C12orf42: variants seen among roughly 807,000 people sequenced by gnomAD.
C12orf42 encodes the protein uncharacterized protein C12orf42.
Under a neutral mutation model 21.6 loss-of-function variants are expected in C12orf42, and 25 were observed. That is an observed-to-expected ratio of 1.16 (90% CI 0.84 to 1.62). The LOEUF (loss-of-function observed/expected upper bound fraction) is 1.62, where lower values mean the gene tolerates loss of function less well. C12orf42 is among the 40% of genes most tolerant of loss of function. The probability of loss-of-function intolerance (pLI) is 0.00; values close to 1 mark genes in which losing one functional copy is unlikely to be tolerated. For synonymous variants in C12orf42, 174 were observed against 175.0 expected (o/e 0.99, Z 0.05); for missense variants, 483 against 459.3 (o/e 1.05, Z -0.47).
At chr12:103,312,758 C>A (rs1055232421) in intron 4 of C12orf42, among the ~76,000 whole-genome samples, 1 of 152,084 alleles carries the variant, frequency 6.6e-6, no homozygotes, top group Non-Finnish European at 1.5e-5. Flanking sequence ...CATCTGTTGC[C>A]AATTTTATAT....
the C12orf42 span, among the ~76,000 whole-genome samples, chr12:103,168,731 T>G: frequency 6.6e-6 from 1 of 152,184 alleles, no homozygotes; most frequent in East Asian, 1.9e-4. Flanking sequence ...TGCAGCACTA[T>G]TCACAATAGC....
chr12:103,164,830 A>G, the C12orf42 span: 1 of 418,294 alleles, frequency 2.4e-6, no homozygotes, highest in South Asian at 1.7e-5. Flanking sequence ...ATAAATTGGC[A>G]GGCAACCCAT....
At chr12:103,237,208 A>T (rs890020662), downstream of C12orf42, among the ~76,000 whole-genome samples, 7 of 152,198 alleles carry the variant, frequency 4.6e-5, no homozygotes, top group Admixed American at 3.9e-4. Flanking sequence ...AACTCCCTCA[A>T]TATCAGTGTT....
At chr12:103,279,582 G>A (rs1300754651) in intron 4 of C12orf42, among the ~76,000 whole-genome samples, 1 of 152,186 alleles carries the variant, frequency 6.6e-6, no homozygotes, top group Non-Finnish European at 1.5e-5. Flanking sequence ...CTAGTTCACT[G>A]TTCCTGTCAG....
At chr12:103,224,247 A>G in the C12orf42 span, among the ~76,000 whole-genome samples, 10 of 152,004 alleles carry the variant, frequency 6.6e-5, no homozygotes, top group Non-Finnish European at 1.5e-4. Context: ...TAGGGAAGGG[A>G]GGCGGCCTGA....
At chr12:103,459,080 AG>A (rs751069374) in intron 2 of C12orf42, among the ~76,000 whole-genome samples, 7 of 152,168 alleles carry the variant, frequency 4.6e-5, no homozygotes, top group Non-Finnish European at 8.8e-5. Flanking sequence ...ACTGGCATGC[AG>A]TCTAAGAAAA....
At chr12:103,443,189 A>C (rs972674873) in intron 2 of C12orf42, among the ~76,000 whole-genome samples, 3 of 152,164 alleles carry the variant, frequency 2.0e-5, no homozygotes, top group Non-Finnish European at 4.4e-5. Context: ...TTGTCAAGAT[A>C]ATTTTATTGC....
In C12orf42 at chr12:103,306,326, T is replaced by C. The variant is rs772867120; in HGVS notation, c.279A>G (p.Gln93=). ...LNFPVFPERT[Q]NSMACKRLLH... is the part of the protein sequence containing the mutation. ...GTAGTCTTTTACACGCCATTGAATT[T>C]TGAGTCCTTTCTGGAAATACTGTGA... The change falls in exon 5 of 6, where the codon CAA becomes CAG. Residue 93 remains glutamine, a synonymous_variant. Coordinates refer to ENST00000548883, the MANE Select transcript of C12orf42 (RefSeq NM_198521.5). The C allele has an allele frequency of 1.9e-5, 31 of 1,606,448 alleles. No individual in the cohort carries two copies. The highest frequency in any genetic ancestry group is 8.5e-7 in the Non-Finnish European group (1 of 1,176,198).
intron 4 of C12orf42, among the ~76,000 whole-genome samples, chr12:103,279,777 A>G (rs952579282): frequency 1.3e-5 from 2 of 152,212 alleles, no homozygotes; most frequent in African/African-American, 2.4e-5. Context: ...CAGGAGAAAG[A>G]GTCCAGCTTT....
At chr12:103,381,122 T>A (rs1434997562) in intron 3 of C12orf42, among the ~76,000 whole-genome samples, 1 of 152,220 alleles carries the variant, frequency 6.6e-6, no homozygotes, top group Non-Finnish European at 1.5e-5. Context: ...GGAAATGTAT[T>A]AGGACTCGTC....
chr12:103,316,558 CTTGA>C (rs780636167), intron 4 of C12orf42, among the ~76,000 whole-genome samples: 32 of 152,036 alleles, frequency 2.1e-4, no homozygotes, highest in Non-Finnish European at 4.0e-4. Context: ...TTGTCTCATT[CTTGA>C]TTGATCTAAA....
the C12orf42 span, among the ~76,000 whole-genome samples, chr12:103,540,996 C>A: frequency 6.6e-6 from 1 of 152,032 alleles, no homozygotes; most frequent in Non-Finnish European, 1.5e-5. Flanking sequence ...CTCTGCCTCC[C>A]GGGTTCAAGC....
chr12:103,200,907 G>A, the C12orf42 span, among the ~76,000 whole-genome samples: 1 of 152,138 alleles, frequency 6.6e-6, no homozygotes, highest in Non-Finnish European at 1.5e-5. Context: ...TGAGAAATAA[G>A]CTTGTTTATT....
At chr12:103,198,186 G>A in the C12orf42 span, among the ~76,000 whole-genome samples, 17 of 152,232 alleles carry the variant, frequency 1.1e-4, no homozygotes, top group African/African-American at 2.2e-4. Context: ...CACAGTAGGG[G>A]ATGGCCGTGG....
chr12:103,276,187 A>G (rs2035762808), intron 5 of C12orf42, among the ~76,000 whole-genome samples: 1 of 152,212 alleles, frequency 6.6e-6, no homozygotes, highest in Non-Finnish European at 1.5e-5. Flanking sequence ...TGTCAAGGTA[A>G]TATGTTTAAA....
At chr12:103,455,967 C>T (rs1270341800) in intron 2 of C12orf42, among the ~76,000 whole-genome samples, 1 of 152,018 alleles carries the variant, frequency 6.6e-6, no homozygotes, top group African/African-American at 2.4e-5. Flanking sequence ...AGAACTCTCA[C>T]AGAACAAGTT....
chr12:103,210,397 G>A, the C12orf42 span, among the ~76,000 whole-genome samples: 640 of 151,652 alleles, frequency 4.2e-3, 3 homozygotes, highest in Non-Finnish European at 7.1e-3. Flanking sequence ...ACTATAAATC[G>A]CTTCCTAATA....
the C12orf42 span, among the ~76,000 whole-genome samples, chr12:103,109,980 T>C: frequency 6.6e-6 from 1 of 152,010 alleles, no homozygotes; most frequent in African/African-American, 2.4e-5. Context: ...AGTGAGACAA[T>C]GTAAGTGCCT....
intron 4 of C12orf42, among the ~76,000 whole-genome samples, chr12:103,331,473 T>C (rs1206062212): frequency 1.3e-5 from 2 of 152,218 alleles, no homozygotes; most frequent in Non-Finnish European, 2.9e-5. Flanking sequence ...AGTAACTGTT[T>C]TGTGGCAGAG....
Sources: allele counts gnomAD v4.1 joint callset (sites outside exome capture counted in the v4.1 genomes callset), GRCh38; gene constraint gnomAD v4.1.1; transcripts MANE v1.5; gene names NCBI Gene and HGNC (gene_info 2026-07-23, HGNC 2026-07-21).